OPCML: variants seen among roughly 807,000 people sequenced by gnomAD.
OPCML encodes the protein opioid-binding protein/cell adhesion molecule.
OPCML carries 13 observed loss-of-function variants against 37.8 expected under a neutral mutation model. That is an observed-to-expected ratio of 0.34 (90% CI 0.22 to 0.55). The LOEUF (loss-of-function observed/expected upper bound fraction) is 0.55, where lower values mean the gene tolerates loss of function less well. OPCML is among the 20% of genes least tolerant of loss of function. The probability of loss-of-function intolerance (pLI) is 0.91; values close to 1 mark genes in which losing one functional copy is unlikely to be tolerated. For missense variants in OPCML, 341 were observed against 435.6 expected (o/e 0.78, Z 1.93); for synonymous variants, 176 against 168.8 (o/e 1.04, Z -0.33).
chr11:132,624,898 T>C (rs1160266165), intron 3 of OPCML, among the ~76,000 whole-genome samples: 1 of 152,136 alleles, frequency 6.6e-6, no homozygotes, highest in Non-Finnish European at 1.5e-5. Context: ...TCCAGTTAAA[T>C]TGGAATTTCA....
At chr11:132,768,912 G>A (rs752398762) in intron 2 of OPCML, among the ~76,000 whole-genome samples, 13 of 152,100 alleles carry the variant, frequency 8.5e-5, no homozygotes, top group Non-Finnish European at 1.9e-4. Context: ...CAGATGAAAG[G>A]AGCACTTTAT....
In OPCML at chr11:133,250,816, T is replaced by C. The variant is rs868636600; in HGVS notation, c.61+281448A>G. Among the ~76,000 whole-genome samples, 13 of 152,264 alleles carry C rather than the reference T, an allele frequency of 8.5e-5. No individual in the cohort carries two copies. The South Asian group carries it at 2.7e-3, about 32-fold the overall frequency. On this transcript the variant is annotated intron_variant, in intron 1 of 7. Transcript: ENST00000524381. ...AGAGCAAAGAAAGAACTGTAGTTGA[T>C]GGCTCTTCTTTAATTTAAACTATGA... is the stretch of plus-strand genomic sequence containing the variant.
At chr11:132,864,426 A>G (rs1482833132) in intron 2 of OPCML, among the ~76,000 whole-genome samples, 8 of 152,232 alleles carry the variant, frequency 5.3e-5, no homozygotes. Context: ...CTTCAGTTAA[A>G]TCACTTAACA....
intron 2 of OPCML, among the ~76,000 whole-genome samples, chr11:132,821,361 C>T (rs1428265077): frequency 6.6e-6 from 1 of 152,158 alleles, no homozygotes; most frequent in African/African-American, 2.4e-5. Context: ...TGGATGTCAG[C>T]CCTATCCATG....
At chr11:132,864,141 T>C (rs1165392418) in intron 2 of OPCML, among the ~76,000 whole-genome samples, 2 of 152,016 alleles carry the variant, frequency 1.3e-5, no homozygotes, top group African/African-American at 4.8e-5. Context: ...TTTCACCATG[T>C]TGGCCAGGCT....
intron 1 of OPCML, among the ~76,000 whole-genome samples, chr11:133,375,965 A>G (rs967812223): frequency 3.9e-5 from 6 of 152,322 alleles, no homozygotes; most frequent in Admixed American, 3.9e-4. Flanking sequence ...ATTTTGGTTC[A>G]AGGAACAGAG....
intron 1 of OPCML, among the ~76,000 whole-genome samples, chr11:133,311,630 T>C (rs1943069753): frequency 6.6e-6 from 1 of 152,080 alleles, no homozygotes; most frequent in South Asian, 2.1e-4. Flanking sequence ...AAGAGAAATT[T>C]CAAGCAATTT....
intron 2 of OPCML, among the ~76,000 whole-genome samples, chr11:132,677,199 G>A (rs566443337): frequency 6.6e-6 from 1 of 151,950 alleles, no homozygotes; most frequent in Non-Finnish European, 1.5e-5. Context: ...CAAAGTATGT[G>A]CAAGATTAAT....
intron 1 of OPCML, among the ~76,000 whole-genome samples, chr11:133,374,717 A>T (rs1003180853): frequency 1.3e-5 from 2 of 152,134 alleles, no homozygotes; most frequent in African/African-American, 4.8e-5. Flanking sequence ...TCCAATCAAA[A>T]GTTTTTATTT....
At chr11:133,396,590 A>C (rs1592263393) in intron 1 of OPCML, among the ~76,000 whole-genome samples, 1 of 152,186 alleles carries the variant, frequency 6.6e-6, no homozygotes. Context: ...TCTGCTCAAA[A>C]ACCTTTAATA....
At chr11:133,000,276 C>T (rs546991867) in intron 1 of OPCML, among the ~76,000 whole-genome samples, 10 of 152,168 alleles carry the variant, frequency 6.6e-5, no homozygotes, top group Middle Eastern at 3.4e-3. Context: ...CCGCACCCAA[C>T]GAGTTTTTGT....
chr11:133,517,007 C>T (rs1170949094), intron 1 of OPCML, among the ~76,000 whole-genome samples: 1 of 152,174 alleles, frequency 6.6e-6, no homozygotes, highest in Non-Finnish European at 1.5e-5. Context: ...AAGGACACAT[C>T]CCCACGCGAA....
chr11:132,918,463 T>C (rs1185452451), intron 2 of OPCML, among the ~76,000 whole-genome samples: 1 of 152,244 alleles, frequency 6.6e-6, no homozygotes, highest in Non-Finnish European at 1.5e-5. Context: ...GTCCTGTTCT[T>C]GAGCTCCATA....
intron 1 of OPCML, chr11:133,118,145 C>A (rs1949365459): frequency 1.2e-6 from 1 of 841,130 alleles, no homozygotes; most frequent in Admixed American, 6.2e-5. Context: ...ACTGCAGGAA[C>A]TACTTTTGAA....
chr11:132,784,182 T>C (rs569327778), intron 2 of OPCML, among the ~76,000 whole-genome samples: 1 of 152,300 alleles, frequency 6.6e-6, no homozygotes, highest in African/African-American at 2.4e-5. Context: ...AATTCAAACT[T>C]GTAGGAAGTC....
chr11:132,664,908 G>A (rs1048099687), intron 2 of OPCML, among the ~76,000 whole-genome samples: 10 of 152,154 alleles, frequency 6.6e-5, no homozygotes, highest in Admixed American at 5.9e-4. Flanking sequence ...AAATGGTGAG[G>A]GATAAGAGCT....
At chr11:132,772,374 A>G (rs1027468351) in intron 2 of OPCML, 1 of 152,234 alleles carries the variant, frequency 6.6e-6, no homozygotes, top group Non-Finnish European at 1.5e-5. Context: ...TCACATATAC[A>G]CTGGGAAAGT....
At chr11:133,444,178 C>T (rs1386844410) in intron 1 of OPCML, among the ~76,000 whole-genome samples, 1 of 152,064 alleles carries the variant, frequency 6.6e-6, no homozygotes, top group African/African-American at 2.4e-5. Flanking sequence ...CTGCAGCCTT[C>T]TTCCTGCTAG....
intron 1 of OPCML, among the ~76,000 whole-genome samples, chr11:133,327,566 C>A (rs1943503843): frequency 6.6e-6 from 1 of 152,126 alleles, no homozygotes. Context: ...TTAAGGCTAT[C>A]TGCCCATCTC....
Sources: gnomAD v4.1 joint callset for allele counts (sites outside exome capture counted in the v4.1 genomes callset) on GRCh38, gnomAD v4.1.1 for gene constraint, MANE v1.5 for transcripts, NCBI Gene and HGNC (gene_info 2026-07-23, HGNC 2026-07-21) for gene names.